Variants in GGNBP2 observed in about 807,000 individuals in gnomAD.
GGNBP2 encodes the protein gametogenetin-binding protein 2.
A neutral mutation model predicts 85.9 loss-of-function variants in GGNBP2; 10 were observed. That is an observed-to-expected ratio of 0.12 (90% CI 0.07 to 0.20). GGNBP2 has a LOEUF of 0.20. Ranked by LOEUF, GGNBP2 falls within the 10% of genes least tolerant of loss-of-function variation. GGNBP2 has a pLI of 1.00. For synonymous variants in GGNBP2, 287 were observed against 285.7 expected (o/e 1.00, Z -0.05); for missense variants, 595 against 857.8 (o/e 0.69, Z 3.83).
intron 6 of GGNBP2, among the ~76,000 whole-genome samples, chr17:36,573,599 C>T (rs1010456371): frequency 7.2e-5 from 11 of 152,056 alleles, no homozygotes; most frequent in African/African-American, 2.7e-4. Flanking sequence ...ACTTCCGTAC[C>T]GGTTTCCATA....
chr17:36,581,280 G>A (rs112887676), intron 8 of GGNBP2, 64 bp from the exon 9 acceptor site: 69 of 1,131,696 alleles, frequency 6.1e-5, no homozygotes, highest in African/African-American at 5.3e-4. Flanking sequence ...GCAAGATTCC[G>A]TCTCAAAAAA....
chr17:36,560,696 T>C, intron 4 of GGNBP2, 77 bp from the exon 5 acceptor site: 1 of 842,852 alleles, frequency 1.2e-6, no homozygotes, highest in East Asian at 2.8e-5. Context: ...GACTTCTCTC[T>C]AAAAGACAGT....
intron 2 of GGNBP2, among the ~76,000 whole-genome samples, chr17:36,551,540 T>C (rs918765939): frequency 2.6e-5 from 4 of 151,698 alleles, no homozygotes; most frequent in African/African-American, 4.8e-5. Context: ...TCAGGTATTA[T>C]CCATATAATT....
chr17:36,575,622 ATATATATATATATATATATATATATATT>A (rs2074569440), intron 6 of GGNBP2, among the ~76,000 whole-genome samples: 5 of 66,484 alleles, frequency 7.5e-5, no homozygotes, highest in Admixed American at 3.1e-4. Context: ...ACATATATAT[ATATATATATATATATATATATATATATT>A]TTTTTTTTTT....
intron 9 of GGNBP2, among the ~76,000 whole-genome samples, chr17:36,583,683 G>A (rs375745933): frequency 6.6e-6 from 1 of 151,380 alleles, no homozygotes; most frequent in Non-Finnish European, 1.5e-5. Flanking sequence ...GGCTGGTCTC[G>A]AACTCCTGAG....
chr17:36,583,991 A>G (rs1039913980), intron 9 of GGNBP2, among the ~76,000 whole-genome samples: 2 of 152,206 alleles, frequency 1.3e-5, no homozygotes, highest in Admixed American at 1.3e-4. Context: ...ATTTATTTCA[A>G]AGTTCACTGA....
At chr17:36,565,943 T>C (rs990051724) in intron 5 of GGNBP2, among the ~76,000 whole-genome samples, 1 of 152,068 alleles carries the variant, frequency 6.6e-6, no homozygotes, top group Non-Finnish European at 1.5e-5. Context: ...GCATGGAAAG[T>C]GGAACAGATG....
chr17:36,555,981 C>T (rs1020724517), intron 3 of GGNBP2, among the ~76,000 whole-genome samples: 2 of 152,160 alleles, frequency 1.3e-5, no homozygotes, highest in African/African-American at 4.8e-5. Context: ...TAGTTTACTT[C>T]AGAACTCTTA....
At chr17:36,559,173 C>T (rs760200205) in intron 4 of GGNBP2, among the ~76,000 whole-genome samples, 2 of 146,970 alleles carry the variant, frequency 1.4e-5, no homozygotes, top group African/African-American at 2.5e-5. Context: ...GTGGCAGGCA[C>T]CTGTAATCCC....
At chr17:36,588,383 G>A (rs570641101) in intron 13 of GGNBP2, among the ~76,000 whole-genome samples, 1 of 151,746 alleles carries the variant, frequency 6.6e-6, no homozygotes, top group South Asian at 2.1e-4. Context: ...TCAGCCTCCC[G>A]AGTAGCTGGG....
At chr17:36,580,730 G>T (rs1232631847) in intron 8 of GGNBP2, among the ~76,000 whole-genome samples, 6 of 151,196 alleles carry the variant, frequency 4.0e-5, no homozygotes, top group African/African-American at 1.5e-4. Context: ...GACCAACCTG[G>T]CCATGATGGC....
chr17:36,575,648 A>ATATATTTTTTTTTTTTT (rs374366757), intron 6 of GGNBP2, among the ~76,000 whole-genome samples: 1 of 54,910 alleles, frequency 1.8e-5, no homozygotes, highest in African/African-American at 1.1e-4. Flanking sequence ...ATATATATAT[A>ATATATTTTTTTTTTTTT]TTTTTTTTTT....
chr17:36,551,246 G>A (rs1470271764), intron 2 of GGNBP2, among the ~76,000 whole-genome samples: 1 of 149,740 alleles, frequency 6.7e-6, no homozygotes, highest in African/African-American at 2.5e-5. Flanking sequence ...TGCTCTTGTC[G>A]CTCAAGCTGG....
rs180959293 is a variant in GGNBP2, at chr17:36,548,014, G to A, written c.93+2197G>A. 1.8e-4 allele frequency among the ~76,000 whole-genome samples: 28 copies of A among 152,334 alleles called. No homozygotes were observed. The East Asian group carries it at 3.7e-3, about 20-fold the overall frequency. On this transcript the variant is annotated intron_variant, in intron 2 of 13. Coordinates refer to ENST00000613102, the MANE Select transcript of GGNBP2 (RefSeq NM_024835.5). ...GGAAAAGGGAAGAGGGAAGGAAGAT[G>A]CCCCTATCAGAGTTTTATGCTCTGC...
At chr17:36,589,165 T>C in intron 13 of GGNBP2, 43 bp from the exon 14 acceptor site, 1 of 1,399,524 alleles carries the variant, frequency 7.1e-7, no homozygotes, top group East Asian at 2.3e-5. Flanking sequence ...CATAACATTT[T>C]GCATTCTTAA....
chr17:36,575,638 A>ATT (rs1332902851), intron 6 of GGNBP2, among the ~76,000 whole-genome samples: 4 of 46,304 alleles, frequency 8.6e-5, no homozygotes, highest in East Asian at 7.1e-4. Context: ...ATATATATAT[A>ATT]TATATATATA....
intron 9 of GGNBP2, 173 bp downstream of exon 9, chr17:36,581,711 A>C (rs1052995623): frequency 7.5e-6 from 3 of 397,928 alleles, no homozygotes; most frequent in Admixed American, 4.4e-5. Context: ...TGAGATCTCT[A>C]TCTCTATTTA....
intron 6 of GGNBP2, among the ~76,000 whole-genome samples, chr17:36,571,496 C>T (rs1361923094): frequency 6.6e-6 from 1 of 151,240 alleles, no homozygotes; most frequent in African/African-American, 2.4e-5. Context: ...TTGCGGTGAG[C>T]CAAGATTACG....
intron 6 of GGNBP2, among the ~76,000 whole-genome samples, chr17:36,571,426 T>C (rs2074523168): frequency 6.6e-6 from 1 of 152,160 alleles, no homozygotes; most frequent in Admixed American, 6.6e-5. Flanking sequence ...GGCGTGTGCC[T>C]GTAATCCCAG....
Sources: gnomAD v4.1 joint callset for allele counts (sites outside exome capture counted in the v4.1 genomes callset) on GRCh38, gnomAD v4.1.1 for gene constraint, MANE v1.5 for transcripts, NCBI Gene and HGNC (gene_info 2026-07-23, HGNC 2026-07-21) for gene names.